The following SNED1 variants were observed in gnomAD, a reference collection of about 807,000 sequenced individuals.
SNED1 encodes the protein sushi, nidogen and EGF like domains 1.
A neutral mutation model predicts 166.7 loss-of-function variants in SNED1; 81 were observed. That is an observed-to-expected ratio of 0.49 (90% confidence interval 0.41 to 0.58). SNED1 has a LOEUF of 0.58. Ranked by LOEUF, SNED1 falls within the 20% of genes least tolerant of loss-of-function variation. SNED1 has a pLI of 0.00. For missense variants in SNED1, 1,604 were observed against 2,000.2 expected (o/e 0.80, Z 3.78); for synonymous variants, 762 against 822.0 (o/e 0.93, Z 1.25).
rs1346880686 is a variant in SNED1, at chr2:241,014,014, C to T, written c.213+14964C>T. Among the ~76,000 whole-genome samples the T allele has an allele frequency of 1.9e-4, 28 of 143,714 alleles. No homozygotes were observed. In the Admixed American group the frequency reaches 1.9e-3, roughly 10 times the overall value. The allele number at this position is 143,714 out of a possible 152,430, so 94.3% of individuals were successfully genotyped here. A position where few individuals can be genotyped will look rare whatever the true frequency, so the allele number is the denominator to read the frequency against. ...GCTTTAGACTACTCTTTTTTCTTTT[C>T]TTTTTTTTTTTTAAGATGGAGTCTC... On this transcript the variant is annotated intron_variant, in intron 1 of 31. Transcript: ENST00000310397.
At chr2:241,052,268 G>C in intron 14 of SNED1, 87 bp from the exon 15 acceptor site, 1 of 1,436,652 alleles carries the variant, frequency 7.0e-7, no homozygotes, top group East Asian at 2.3e-5. Flanking sequence ...GCAGGAGGTG[G>C]AGCTGGGTGC....
At chr2:241,005,597 T>G (rs1276011721) in intron 1 of SNED1, among the ~76,000 whole-genome samples, 1 of 152,108 alleles carries the variant, frequency 6.6e-6, no homozygotes, top group East Asian at 1.9e-4. Flanking sequence ...TTATCACTGT[T>G]TTTTTAAAAT....
chr2:241,016,552 T>C (rs2060600720), intron 1 of SNED1, among the ~76,000 whole-genome samples: 2 of 152,196 alleles, frequency 1.3e-5, no homozygotes, highest in South Asian at 2.1e-4. Context: ...TAATAATTCA[T>C]TTAAGGTTTT....
chr2:241,037,165 C>A, intron 5 of SNED1, 75 bp from the exon 6 acceptor site: 1 of 1,310,758 alleles, frequency 7.6e-7, no homozygotes. Context: ...CCGTCCCCGG[C>A]CCAACCCGAG....
intron 27 of SNED1, among the ~76,000 whole-genome samples, chr2:241,081,455 C>G (rs184871707): frequency 2.6e-4 from 40 of 152,314 alleles, no homozygotes; most frequent in Non-Finnish European, 1.9e-4. Flanking sequence ...GAGGTCAGGG[C>G]CGAGCACACT....
At chr2:241,070,348 A>G in intron 24 of SNED1, 147 bp downstream of exon 24, 1 of 892,448 alleles carries the variant, frequency 1.1e-6, no homozygotes, top group Non-Finnish European at 1.7e-6. Flanking sequence ...GAGTCTGTGT[A>G]TGAAAGTGGA....
chr2:241,080,783 C>A (rs1365550133), intron 27 of SNED1, among the ~76,000 whole-genome samples: 1 of 152,230 alleles, frequency 6.6e-6, no homozygotes, highest in Admixed American at 6.5e-5. Flanking sequence ...TTGCTGAGGA[C>A]CAACTCGGTC....
chr2:241,032,594 C>G (rs1167200411), intron 2 of SNED1, among the ~76,000 whole-genome samples: 1 of 152,176 alleles, frequency 6.6e-6, no homozygotes, highest in East Asian at 1.9e-4. Flanking sequence ...TGTAACAAAC[C>G]TGCACGTTGT....
intron 31 of SNED1, among the ~76,000 whole-genome samples, chr2:241,090,802 G>T (rs1397738266): frequency 5.3e-5 from 8 of 151,854 alleles, no homozygotes; most frequent in Admixed American, 5.2e-4. Context: ...GGAAGGCAGA[G>T]GTTGCAGTGG....
chr2:241,032,353 T>TA (rs1316196565), intron 2 of SNED1, among the ~76,000 whole-genome samples: 256 of 139,148 alleles, frequency 1.8e-3, no homozygotes, highest in African/African-American at 5.6e-3. Context: ...CCATCTCAAA[T>TA]AAAAAAAAAA....
intron 24 of SNED1, 21 bp from the exon 25 acceptor site, chr2:241,071,555 T>C: frequency 6.4e-7 from 1 of 1,572,040 alleles, no homozygotes; most frequent in Non-Finnish European, 8.6e-7. Context: ...GACCAGCCCC[T>C]TCCTCCTGCC....
rs962445884 is a variant in SNED1, at chr2:241,080,909, C to G, written c.3917-768C>G. On this transcript the variant is annotated intron_variant, in intron 27 of 31. Coordinates refer to ENST00000310397, the MANE Select transcript of SNED1 (RefSeq NM_001080437.3). The stretch of plus-strand genomic sequence containing the variant: ...AAAGCCTGTCTTCACAGACCACTCT[C>G]CAGCTGGTGAGGGCAGGAGCGACAG... 1.3e-5 allele frequency among the ~76,000 whole-genome samples: 2 copies of G among 152,234 alleles called. 1 individual carries two copies. The highest frequency in any genetic ancestry group is 4.1e-4 in the South Asian group (2 of 4,834).
At chr2:241,083,281 T>C (rs1256085376) in intron 29 of SNED1, among the ~76,000 whole-genome samples, 2 of 151,784 alleles carry the variant, frequency 1.3e-5, no homozygotes, top group Non-Finnish European at 2.9e-5. Context: ...AAGTCAGGAG[T>C]GTCCCTGGCA....
chr2:241,007,448 C>T (rs973535402), intron 1 of SNED1, among the ~76,000 whole-genome samples: 9 of 152,180 alleles, frequency 5.9e-5, no homozygotes, highest in African/African-American at 1.9e-4. Flanking sequence ...AGCAGCAATG[C>T]GTCTTTTTTT....
chr2:241,043,070 G>A (rs2061560303), intron 8 of SNED1, among the ~76,000 whole-genome samples: 1 of 152,242 alleles, frequency 6.6e-6, no homozygotes, highest in Non-Finnish European at 1.5e-5. Flanking sequence ...CGTATTTGGA[G>A]TCTGCGAAGG....
rs896026950 is a variant in SNED1 at position 241,016,541 on chromosome 2, C to T, written c.214-13743C>T. 2.6e-5 allele frequency among the ~76,000 whole-genome samples: 4 copies of T among 152,250 alleles called. No homozygotes were observed. In the East Asian group the frequency reaches 5.8e-4, roughly 22 times the overall value. ...CTTTGTATATTGCTGAATCAGTTTGCTAATAATTCATTTAAGGTTTTAGCA... is the reference window on the plus strand; with the variant it reads ...CTTTGTATATTGCTGAATCAGTTTGTTAATAATTCATTTAAGGTTTTAGCA... On this transcript the variant is annotated intron_variant, in intron 1 of 31. Transcript: ENST00000310397.
chr2:241,092,433 G>A lies in SNED1; in HGVS notation c.*797G>A, dbSNP rs2064090358. 6.6e-6 allele frequency: 1 copy of A among 152,174 alleles called. No homozygotes were observed. Among genetic ancestry groups the A allele is most frequent in the African/African-American group, 2.4e-5 (1 of 41,448 alleles). The allele number at this position is 152,174 out of a possible 1,614,324, so 9.4% of individuals were successfully genotyped here. On this transcript the variant is annotated 3_prime_UTR_variant, in exon 32 of 32. Coordinates refer to ENST00000310397, the MANE Select transcript of SNED1 (RefSeq NM_001080437.3). The surrounding 1 kb of genome is among the most constrained non-coding windows in gnomAD (Gnocchi z 4.6). ...CAATAAAAACTTATTTACAATAACA[G>A]GTGGTGGCCAAATTGGCCCATGGGC... is the stretch of plus-strand genomic sequence containing the variant.
chr2:241,081,513 C>A (rs540777473), intron 27 of SNED1, among the ~76,000 whole-genome samples, 164 bp from the exon 28 acceptor site: 20 of 152,370 alleles, frequency 1.3e-4, no homozygotes, highest in African/African-American at 4.8e-4. Flanking sequence ...TGAACTGGGA[C>A]CACGCTCTAG....
At chr2:241,019,462 G>T (rs1049153622) in intron 1 of SNED1, among the ~76,000 whole-genome samples, 5 of 152,196 alleles carry the variant, frequency 3.3e-5, no homozygotes, top group African/African-American at 1.2e-4. Context: ...ATAACCTGGA[G>T]AGCGGAGACC....
Sources: allele counts gnomAD v4.1 joint callset (sites outside exome capture counted in the v4.1 genomes callset), GRCh38; gene constraint gnomAD v4.1.1; non-coding constraint Gnocchi (gnomAD v3.1); transcripts MANE v1.5; gene names NCBI Gene and HGNC (gene_info 2026-07-23, HGNC 2026-07-21).